PRELID2: variants seen among roughly 807,000 people sequenced by gnomAD.
PRELID2 encodes the protein PRELI domain-containing protein 2.
PRELID2 carries 25 observed loss-of-function variants against 28.4 expected under a neutral mutation model. That is an observed-to-expected ratio of 0.88 (90% CI 0.64 to 1.23). PRELID2 has a LOEUF of 1.23. Ranked by LOEUF, PRELID2 falls within the 50% of genes most tolerant of loss-of-function variation. The probability of loss-of-function intolerance (pLI) is 0.00; values close to 1 mark genes in which losing one functional copy is unlikely to be tolerated. For synonymous variants in PRELID2, 76 were observed against 71.6 expected (o/e 1.06, Z -0.31); for missense variants, 201 against 214.4 (o/e 0.94, Z 0.39).
chr5:145,246,092 G>T, the PRELID2 span, among the ~76,000 whole-genome samples: 1 of 151,912 alleles, frequency 6.6e-6, no homozygotes. Context: ...ACACAAAATC[G>T]AAGTGAAGAA....
At chr5:145,701,903 T>C (rs1755414653) in intron 1 of PRELID2, among the ~76,000 whole-genome samples, 1 of 151,748 alleles carries the variant, frequency 6.6e-6, no homozygotes, top group South Asian at 2.1e-4. Context: ...AATACAAAAT[T>C]AGCCGGGCGT....
Position 145,511,320 on chromosome 5 carries a change from C to T in PRELID2, n.71-38005G>A, listed in dbSNP as rs886383817. Among the ~76,000 whole-genome samples the T allele has an allele frequency of 7.2e-5, 11 of 152,194 alleles. 1 individual carries two copies. Among genetic ancestry groups the T allele is most frequent in the South Asian group, 6.2e-4 (3 of 4,834 alleles). Reference sequence around the variant, plus strand: ...AAATAGTACCGTTATATACTTATTACGTGTCTAGCATTATCTCTTCTAAAT... The same window carrying T: ...AAATAGTACCGTTATATACTTATTATGTGTCTAGCATTATCTCTTCTAAAT... On this transcript the variant is annotated intron_variant and non_coding_transcript_variant, in intron 1 of 2. Coordinates refer to the PRELID2 transcript ENST00000510259.
At chr5:145,307,406 A>G in the PRELID2 span, among the ~76,000 whole-genome samples, 1 of 152,116 alleles carries the variant, frequency 6.6e-6, no homozygotes, top group East Asian at 1.9e-4. Flanking sequence ...AGACACATAA[A>G]CTGGGTCTGA....
chr5:145,311,908 G>T, the PRELID2 span, among the ~76,000 whole-genome samples: 3 of 151,994 alleles, frequency 2.0e-5, no homozygotes, highest in Admixed American at 6.5e-5. Context: ...TTTTATTCTA[G>T]TTTTAATTGA....
At position 145,545,516 on chromosome 5, in the gene PRELID2, G is replaced by A. The variant is rs570599732; in HGVS notation, n.71-72201C>T. ...TCAAAGAAATTTTATCTAGTCATAG[G>A]CTCCTTCCACCTGTGGTCAAATTCT... On this transcript the variant is annotated intron_variant and non_coding_transcript_variant, in intron 1 of 2. Transcript: ENST00000510259. Among the ~76,000 whole-genome samples, 3 of 151,638 alleles carry A rather than the reference G, an allele frequency of 2.0e-5. No individual in the cohort carries two copies. The South Asian group carries it at 6.3e-4, about 32-fold the overall frequency.
intron 1 of PRELID2, among the ~76,000 whole-genome samples, chr5:145,514,445 C>T (rs1752495213): frequency 1.3e-5 from 2 of 152,006 alleles, no homozygotes; most frequent in South Asian, 2.1e-4. Context: ...ACAAGAAGAG[C>T]TAACTATCCT....
At chr5:145,410,423 C>G in the PRELID2 span, among the ~76,000 whole-genome samples, 1 of 152,122 alleles carries the variant, frequency 6.6e-6, no homozygotes, top group Non-Finnish European at 1.5e-5. Flanking sequence ...TGTATTAGTC[C>G]ATTATCATGC....
the PRELID2 span, among the ~76,000 whole-genome samples, chr5:145,250,491 G>A: frequency 2.6e-5 from 4 of 152,076 alleles, no homozygotes; most frequent in Non-Finnish European, 5.9e-5. Context: ...ACCAACTTGC[G>A]ATCAAATCAT....
the PRELID2 span, among the ~76,000 whole-genome samples, chr5:145,277,367 C>T: frequency 6.6e-6 from 1 of 152,050 alleles, no homozygotes; most frequent in Non-Finnish European, 1.5e-5. Flanking sequence ...GAATATGCAC[C>T]TCATATTTGA....
At chr5:145,442,312 G>T in the PRELID2 span, among the ~76,000 whole-genome samples, 1 of 152,024 alleles carries the variant, frequency 6.6e-6, no homozygotes, top group Non-Finnish European at 1.5e-5. Flanking sequence ...GATAAATTCT[G>T]AATACCTTTA....
chr5:145,230,950 G>A, the PRELID2 span, among the ~76,000 whole-genome samples: 1 of 152,150 alleles, frequency 6.6e-6, no homozygotes, highest in African/African-American at 2.4e-5. Context: ...GCTTCTTTCT[G>A]GAGAGAGATA....
At chr5:145,745,727 G>A (rs908423520) in intron 1 of PRELID2, among the ~76,000 whole-genome samples, 2 of 152,106 alleles carry the variant, frequency 1.3e-5, no homozygotes, top group Non-Finnish European at 2.9e-5. Flanking sequence ...GCTGGATATT[G>A]TGGTGGGCAC....
chr5:145,229,989 A>T, the PRELID2 span: 1 of 736,636 alleles, frequency 1.4e-6, no homozygotes. Context: ...CACCGGGTTC[A>T]TCAACATCAA....
chr5:145,399,680 G>A, the PRELID2 span, among the ~76,000 whole-genome samples: 8 of 152,096 alleles, frequency 5.3e-5, no homozygotes, highest in East Asian at 5.8e-4. Flanking sequence ...TAATTACTCC[G>A]TTTTCATGCT....
At chr5:145,635,658 A>G (rs1054360486) in intron 1 of PRELID2, among the ~76,000 whole-genome samples, 1 of 152,216 alleles carries the variant, frequency 6.6e-6, no homozygotes, top group African/African-American at 2.4e-5. Flanking sequence ...AGTGTGCAGC[A>G]TGACTCTAAA....
intron 5 of PRELID2, among the ~76,000 whole-genome samples, chr5:145,793,504 A>G (rs1752530609): frequency 1.3e-5 from 2 of 152,174 alleles, no homozygotes; most frequent in Admixed American, 1.3e-4. Context: ...CCACTTGGAT[A>G]AAACAAAAAA....
the PRELID2 span, among the ~76,000 whole-genome samples, chr5:145,400,261 C>T: frequency 4.6e-5 from 7 of 152,058 alleles, no homozygotes; most frequent in Admixed American, 2.0e-4. Context: ...TCCTTTTCCT[C>T]TTAAAATTTT....
chr5:145,618,870 G>A (rs1753735792), intron 1 of PRELID2, among the ~76,000 whole-genome samples: 1 of 152,236 alleles, frequency 6.6e-6, no homozygotes, highest in Non-Finnish European at 1.5e-5. Context: ...CTGCTCTGGG[G>A]GATAGGCATG....
the PRELID2 span, among the ~76,000 whole-genome samples, chr5:145,286,480 G>A: frequency 6.6e-6 from 1 of 152,164 alleles, no homozygotes; most frequent in Non-Finnish European, 1.5e-5. Context: ...AGGAGACTGA[G>A]GCTCAGAGAT....
Sources: gnomAD v4.1 joint callset for allele counts (sites outside exome capture counted in the v4.1 genomes callset) on GRCh38, gnomAD v4.1.1 for gene constraint, MANE v1.5 for transcripts, NCBI Gene and HGNC (gene_info 2026-07-23, HGNC 2026-07-21) for gene names.